CSMD3: variants seen among roughly 807,000 people sequenced by gnomAD.
CSMD3 encodes the protein CUB and sushi domain-containing protein 3.
A neutral mutation model predicts 435.2 loss-of-function variants in CSMD3; 177 were observed. The observed-to-expected ratio is 0.41, with a 90% CI of 0.36 to 0.46. The LOEUF is 0.46. CSMD3 is among the 20% of genes least tolerant of loss of function. CSMD3 has a pLI of 0.34. For missense variants in CSMD3, 4,265 were observed against 4,504.6 expected, an observed-to-expected ratio of 0.95 and a Z score of 1.52; for synonymous variants, 1,656 against 1,520.5, an observed-to-expected ratio of 1.09 and a Z score of -2.07.
At chr8:113,087,900 A>G (rs1322626999) in intron 5 of CSMD3, among the ~76,000 whole-genome samples, 1 of 152,132 alleles carries the variant, frequency 6.6e-6, no homozygotes, top group Non-Finnish European at 1.5e-5. Context: ...GCAAATAAAA[A>G]CTACCATCAG....
chr8:112,448,557 G>T (rs575607591), intron 32 of CSMD3, among the ~76,000 whole-genome samples: 1 of 152,214 alleles, frequency 6.6e-6, no homozygotes, highest in African/African-American at 2.4e-5. Flanking sequence ...CCAGAAACTA[G>T]GAAGAGACAA....
At chr8:113,064,427 T>A (rs1335549937) in intron 5 of CSMD3, among the ~76,000 whole-genome samples, 2 of 152,148 alleles carry the variant, frequency 1.3e-5, no homozygotes, top group East Asian at 1.9e-4. Flanking sequence ...AAGCAAATCA[T>A]GAGGCAATAA....
In CSMD3 at chr8:112,411,728, T is replaced by C. The variant is rs114373540; in HGVS notation, c.5396-2696A>G. ...CTAAGTGATGACTCTCAGATTTGCT[T>C]CTCCATTCTGTCTGTAAATGTCTTA... is the stretch of plus-strand genomic sequence containing the variant. On this transcript the variant is annotated intron_variant, in intron 32 of 70. Coordinates refer to ENST00000297405, the MANE Select transcript of CSMD3 (RefSeq NM_198123.2). 6.1e-3 allele frequency among the ~76,000 whole-genome samples: 930 copies of C among 152,160 alleles called. 10 individuals are homozygous for C. The highest frequency in any genetic ancestry group is 0.021 in the African/African-American group (875 of 41,556).
At chr8:113,179,831 T>A (rs1392759717) in intron 3 of CSMD3, among the ~76,000 whole-genome samples, 2 of 151,788 alleles carry the variant, frequency 1.3e-5, no homozygotes, top group African/African-American at 4.8e-5. Context: ...AAAAAAAGTG[T>A]GTGATTAATA....
At chr8:112,363,153 C>G (rs758360954) in intron 38 of CSMD3, among the ~76,000 whole-genome samples, 2 of 151,826 alleles carry the variant, frequency 1.3e-5, no homozygotes, top group Non-Finnish European at 2.9e-5. Context: ...TTTTCTATGC[C>G]TCAGTTTCCT....
chr8:112,660,940 G>A (rs993764691), intron 17 of CSMD3, among the ~76,000 whole-genome samples: 9 of 152,136 alleles, frequency 5.9e-5, no homozygotes, highest in Non-Finnish European at 8.8e-5. Context: ...AATGAGGCAC[G>A]GTTGACAAGT....
At chr8:112,622,771 T>C (rs1275769856) in intron 22 of CSMD3, among the ~76,000 whole-genome samples, 1 of 152,176 alleles carries the variant, frequency 6.6e-6, no homozygotes, top group Non-Finnish European at 1.5e-5. Context: ...CTGGAGATGA[T>C]GATGATAGTT....
Position 112,395,498 on chromosome 8 carries a change from G to A in CSMD3, c.5810-4710C>T, listed in dbSNP as rs1456253086. Among the ~76,000 whole-genome samples, 7 of 152,092 alleles carry A rather than the reference G, an allele frequency of 4.6e-5. No homozygotes were observed. In the East Asian group the frequency reaches 1.2e-3, roughly 25 times the overall value. On this transcript the variant is annotated intron_variant, in intron 35 of 70. Transcript: ENST00000297405. ...TTTTCCCATTCTAAGAAAAGATGAA[G>A]TAGACAGGTGTTGCCATGGAGACTT... is the stretch of plus-strand genomic sequence containing the variant.
intron 4 of CSMD3, among the ~76,000 whole-genome samples, chr8:113,126,214 A>G (rs1188405988): frequency 1.3e-5 from 2 of 151,924 alleles, no homozygotes; most frequent in Non-Finnish European, 2.9e-5. Context: ...AGAAACAATA[A>G]AGCTAGGCTC....
intron 13 of CSMD3, among the ~76,000 whole-genome samples, chr8:112,729,916 T>A (rs1048669800): frequency 6.6e-6 from 1 of 152,136 alleles, no homozygotes; most frequent in African/African-American, 2.4e-5. Flanking sequence ...AGAATAAATT[T>A]CTTTTGTTTT....
intron 22 of CSMD3, among the ~76,000 whole-genome samples, chr8:112,594,042 G>A (rs1046692848): frequency 7.9e-5 from 12 of 152,102 alleles, no homozygotes; most frequent in Middle Eastern, 3.2e-3. Flanking sequence ...GAACAGCTCC[G>A]GTCTACAGCT....
intron 63 of CSMD3, among the ~76,000 whole-genome samples, chr8:112,249,544 A>T (rs1306771243): frequency 6.6e-6 from 1 of 152,018 alleles, no homozygotes; most frequent in African/African-American, 2.4e-5. Flanking sequence ...TCACTTCATG[A>T]TCCACTATAT....
At chr8:112,756,609 C>A (rs928398075) in intron 13 of CSMD3, among the ~76,000 whole-genome samples, 2 of 152,132 alleles carry the variant, frequency 1.3e-5, no homozygotes, top group Admixed American at 6.5e-5. Context: ...TCTTAGAAAA[C>A]AATCAGTTAA....
intron 33 of CSMD3, 31 bp from the exon 34 acceptor site, chr8:112,408,444 T>C: frequency 7.7e-7 from 1 of 1,306,766 alleles, no homozygotes; most frequent in Non-Finnish European, 1.1e-6. Flanking sequence ...TAAGATATCA[T>C]AAATAATTTT....
Position 113,118,713 on chromosome 8 carries a change from A to G in CSMD3, c.710-19750T>C, listed in dbSNP as rs1245777023. Among the ~76,000 whole-genome samples, 8 of 152,248 alleles carry G rather than the reference A, an allele frequency of 5.3e-5. No individual in the cohort carries two copies. In the East Asian group the frequency reaches 1.4e-3, roughly 26 times the overall value. The stretch of plus-strand genomic sequence containing the variant: ...TAATAGTGCATTTTTATTAACTTTA[A>G]TGTTTCCAGCAGTCTCAGTTTCAGG... On this transcript the variant is annotated intron_variant, in intron 4 of 70. Transcript: ENST00000297405.
chr8:112,294,046 C>G (rs894087502), intron 54 of CSMD3, among the ~76,000 whole-genome samples: 1 of 151,930 alleles, frequency 6.6e-6, no homozygotes, highest in African/African-American at 2.4e-5. Context: ...CAGACACAAG[C>G]AGGATATTGT....
chr8:113,075,847 G>T (rs556526476), intron 5 of CSMD3, among the ~76,000 whole-genome samples: 1 of 151,670 alleles, frequency 6.6e-6, no homozygotes, highest in Non-Finnish European at 1.5e-5. Flanking sequence ...TATACTTAAA[G>T]AATGCACCAG....
chr8:113,261,637 G>A (rs1321078419), intron 3 of CSMD3, among the ~76,000 whole-genome samples: 1 of 152,038 alleles, frequency 6.6e-6, no homozygotes, highest in African/African-American at 2.4e-5. Flanking sequence ...TGGCAACATT[G>A]TGATTTCTGG....
At chr8:112,612,590 G>A (rs1350788230) in intron 22 of CSMD3, among the ~76,000 whole-genome samples, 4 of 151,754 alleles carry the variant, frequency 2.6e-5, no homozygotes, top group Non-Finnish European at 4.4e-5. Flanking sequence ...TGTGATCAGA[G>A]TTGGGAAACA....
Sources: gnomAD v4.1 joint callset for allele counts (sites outside exome capture counted in the v4.1 genomes callset) on GRCh38, gnomAD v4.1.1 for gene constraint, MANE v1.5 for transcripts, NCBI Gene and HGNC (gene_info 2026-07-23, HGNC 2026-07-21) for gene names.